The following ABI3BP variants were observed in gnomAD, a reference collection of about 807,000 sequenced individuals.
ABI3BP encodes target of Nesh-SH3.
In ABI3BP, 216 loss-of-function variants were observed where a neutral mutation model predicts 268.6. That is an observed-to-expected ratio of 0.80 (90% CI 0.72 to 0.90). ABI3BP has a LOEUF of 0.90. Among genes scored for constraint, ABI3BP ranks in the 40% least tolerant of loss-of-function variants. The pLI is 0.00. For synonymous variants in ABI3BP, 730 were observed against 730.0 expected (o/e 1.00, Z 0.00); for missense variants, 2,090 against 2,182.4 (o/e 0.96, Z 0.84).
At chr3:100,971,734 A>G (rs1191038887) in intron 1 of ABI3BP, among the ~76,000 whole-genome samples, 1 of 152,178 alleles carries the variant, frequency 6.6e-6, no homozygotes, top group East Asian at 1.9e-4. Context: ...ACAGAGCTTT[A>G]TATGTGGTGG....
chr3:100,864,797 T>G, intron 11 of ABI3BP, 36 bp downstream of exon 11: 2 of 1,484,934 alleles, frequency 1.3e-6, no homozygotes, highest in Admixed American at 2.1e-5. Context: ...TTGTTACTTT[T>G]GTTTTTTTAG....
chr3:100,848,805 T>TAATTACC lies in ABI3BP; in HGVS notation c.1571_1572insGGTAATT (p.Pro525ValfsTer4), dbSNP rs1278141614. 3 of 1,611,206 alleles carry TAATTACC rather than the reference T, an allele frequency of 1.9e-6. No individual in the cohort carries two copies. ...TAAATATAAAGAGACATTTACCAGG[T>TAATTACC]TTGGTTCTTGGCGGTTTGGGCCGGG... On this transcript the variant is annotated frameshift_variant, in exon 18 of 68. Transcript: ENST00000471714. LOFTEE classifies it high-confidence loss of function.
intron 2 of ABI3BP, among the ~76,000 whole-genome samples, chr3:100,904,168 T>C (rs958006241): frequency 6.6e-6 from 1 of 152,180 alleles, no homozygotes; most frequent in Non-Finnish European, 1.5e-5. Flanking sequence ...CAATCCTACC[T>C]GGCACTACTA....
intron 9 of ABI3BP, among the ~76,000 whole-genome samples, chr3:100,867,368 G>C (rs748551867): frequency 6.6e-6 from 1 of 152,008 alleles, no homozygotes; most frequent in African/African-American, 2.4e-5. Flanking sequence ...CCGGCCGGGC[G>C]TGGTGGCTCA....
intron 2 of ABI3BP, among the ~76,000 whole-genome samples, chr3:100,923,380 G>A (rs1466156482): frequency 3.9e-5 from 6 of 152,120 alleles, no homozygotes; most frequent in Non-Finnish European, 2.9e-5. Context: ...ATTTTGATAT[G>A]AATAACCAAA....
chr3:100,792,752 G>A lies in ABI3BP; in HGVS notation c.3963C>T (p.Ser1321=), dbSNP rs2097233255. ...LQTTLEETDQ[S]TQEPFTTKIP... ...TCTTAGTTGTGAAAGGTTCTTGGGTGGATTGGTCTGTTTCTTCTAGAGAAA... is the reference window on the plus strand; with the variant it reads ...TCTTAGTTGTGAAAGGTTCTTGGGTAGATTGGTCTGTTTCTTCTAGAGAAA... The change falls in exon 55 of 68, where the codon TCC becomes TCT. Residue 1321 remains serine, a synonymous_variant. Transcript: ENST00000471714. 2 of 1,611,264 alleles carry A rather than the reference G, an allele frequency of 1.2e-6. No homozygotes were observed. The highest frequency in any genetic ancestry group is 1.7e-6 in the Non-Finnish European group (2 of 1,178,160).
At chr3:100,769,591 A>G (rs759600774) in intron 62 of ABI3BP, among the ~76,000 whole-genome samples, 1 of 152,210 alleles carries the variant, frequency 6.6e-6, no homozygotes, top group Non-Finnish European at 1.5e-5. Flanking sequence ...ATTTAGTTTC[A>G]TGAGAACTAA....
chr3:100,950,600 G>T (rs1030513404), intron 1 of ABI3BP, among the ~76,000 whole-genome samples: 2 of 151,914 alleles, frequency 1.3e-5, no homozygotes, highest in Non-Finnish European at 2.9e-5. Flanking sequence ...GAAGGTCGAG[G>T]TGTTAATATC....
At chr3:100,912,810 C>T (rs566459792) in intron 2 of ABI3BP, among the ~76,000 whole-genome samples, 1 of 152,300 alleles carries the variant, frequency 6.6e-6, no homozygotes, top group Admixed American at 6.5e-5. Flanking sequence ...GTTCCACTCA[C>T]CCACTAGTTG....
rs74492018 is a variant in ABI3BP at position 100,941,314 on chromosome 3, G to T, written c.80-14833C>A. On this transcript the variant is annotated intron_variant, in intron 1 of 67. Coordinates refer to ENST00000471714, the MANE Select transcript of ABI3BP (RefSeq NM_001375547.2). ...GTTCTCAGAGTTCAGGAAATTAAAA[G>T]TCTCAGTTCACCTGGAGCACTCCCT... Among the ~76,000 whole-genome samples, 632 of 152,012 alleles carry T rather than the reference G, an allele frequency of 4.2e-3. 4 individuals carry two copies. Among genetic ancestry groups the T allele is most frequent in the African/African-American group, 0.015 (615 of 41,484 alleles).
chr3:100,787,185 C>A (rs750936950), intron 57 of ABI3BP, among the ~76,000 whole-genome samples: 1 of 152,056 alleles, frequency 6.6e-6, no homozygotes, highest in Non-Finnish European at 1.5e-5. Context: ...TCCCAGAGAT[C>A]TGATTAGATT....
chr3:100,811,710 C>A lies in ABI3BP; in HGVS notation c.3493+18G>T. On this transcript the variant is annotated intron_variant, in intron 47 of 67. Coordinates refer to ENST00000471714, the MANE Select transcript of ABI3BP (RefSeq NM_001375547.2). ...AATGTGTGGAATAAATGAATCAAAG[C>A]ATTAAAACCTTTGCTACCTTCAGTC... 6.5e-7 allele frequency: 1 copy of A among 1,531,632 alleles called. No homozygotes were observed. Among genetic ancestry groups the A allele is most frequent in the Non-Finnish European group, 8.7e-7 (1 of 1,143,154 alleles). 94.9% of individuals were successfully genotyped at this position (1,531,632 alleles called of 1,614,324 possible).
Position 100,838,421 on chromosome 3 carries a change from A to G in ABI3BP, c.1989T>C (p.Asp663=). 1 of 1,535,892 alleles carries G rather than the reference A, an allele frequency of 6.5e-7. No homozygotes were observed. The change falls in exon 25 of 68, where the codon GAT becomes GAC. Residue 663 remains aspartate, a synonymous_variant. Transcript: ENST00000471714. The part of the protein sequence containing the change: ...SERPKTTHRP[D]APQIQPGSKP... ...GATTACCAGGCTGAATTTGAGGTGCATCTGGTCTGTGTGTGGTTTTAGGTC... is the reference window on the plus strand; with the variant it reads ...GATTACCAGGCTGAATTTGAGGTGCGTCTGGTCTGTGTGTGGTTTTAGGTC...
intron 14 of ABI3BP, among the ~76,000 whole-genome samples, chr3:100,859,196 G>A (rs560639411): frequency 1.2e-3 from 176 of 152,094 alleles, no homozygotes; most frequent in African/African-American, 4.0e-3. Context: ...TCTGCTGGTC[G>A]TTGGCTGAAA....
chr3:100,755,163 C>G (rs1020224888), intron 63 of ABI3BP, among the ~76,000 whole-genome samples: 1 of 152,166 alleles, frequency 6.6e-6, no homozygotes, highest in African/African-American at 2.4e-5. Flanking sequence ...CTACTTATGT[C>G]AGAATCACAT....
rs1302077109 is a variant in ABI3BP, at chr3:100,824,993, TG to T, written c.2663-53del. The stretch of plus-strand genomic sequence containing the variant: ...CTCTAGGTCTTATGATTCTGGATAC[TG>T]AGGAAAGGTTTTTCCAAAGCTTGTC... On this transcript the variant is annotated intron_variant, in intron 35 of 67. Transcript: ENST00000471714. The T allele has an allele frequency of 2.8e-6, 4 of 1,439,766 alleles. No individual in the cohort carries two copies. In the East Asian group the frequency reaches 1.0e-4, roughly 36 times the overall value. 89.2% of individuals were successfully genotyped at this position (1,439,766 alleles called of 1,614,324 possible). A position where few individuals can be genotyped will look rare whatever the true frequency, so the allele number is the denominator to read the frequency against.
At position 100,850,674 on chromosome 3, in the gene ABI3BP, G is replaced by T. The variant is rs760211525; in HGVS notation, c.1412C>A (p.Pro471Gln). The T allele has an allele frequency of 6.2e-7, 1 of 1,611,526 alleles. No homozygotes were observed. Among genetic ancestry groups the T allele is most frequent in the African/African-American group, 1.3e-5 (1 of 74,912 alleles). Residue 471 changes from proline (P) to glutamine (Q), a missense_variant, in exon 16 of 68, where the codon CCA becomes CAA. Pro to Gln is a moderately conservative substitution (Grantham distance 76, BLOSUM62 -1). Transcript: ENST00000471714. ...PPKTSRTLEQ[P>Q]RATLAPSETP... is the part of the protein sequence containing the mutation. ...AAAAACATTACCCAGTGTTGCCCTT[G>T]GCTGTTCAAGAGTTCTAGAAGTTTT...
chr3:100,841,944 CA>C, intron 21 of ABI3BP, 53 bp downstream of exon 21: 1 of 1,248,076 alleles, frequency 8.0e-7, no homozygotes, highest in Non-Finnish European at 1.1e-6. Flanking sequence ...CAAAGTTGAA[CA>C]TGGAGAGTGT....
intron 1 of ABI3BP, among the ~76,000 whole-genome samples, chr3:100,951,108 C>T (rs1257127091): frequency 6.6e-6 from 1 of 151,974 alleles, no homozygotes; most frequent in Non-Finnish European, 1.5e-5. Context: ...CTAAAAATGT[C>T]TGAGACAAGT....
Sources: gnomAD v4.1 joint callset for allele counts (sites outside exome capture counted in the v4.1 genomes callset) on GRCh38, gnomAD v4.1.1 for gene constraint, MANE v1.5 for transcripts, NCBI Gene and HGNC (gene_info 2026-07-23, HGNC 2026-07-21) for gene names.